The following WDR59 variants were observed in gnomAD, a reference collection of about 807,000 sequenced individuals.
The protein encoded by WDR59 is WD repeat domain 59.
Under a neutral mutation model 131.2 loss-of-function variants are expected in WDR59, and 100 were observed. That is an observed-to-expected ratio of 0.76 (90% CI 0.65 to 0.90). The LOEUF is 0.90. Among genes scored for constraint, WDR59 ranks in the 40% least tolerant of loss-of-function variants. The probability of loss-of-function intolerance (pLI) is 0.00; values close to 1 mark genes in which losing one functional copy is unlikely to be tolerated. For missense variants in WDR59, 1,203 were observed against 1,262.2 expected (o/e 0.95, Z 0.71); for synonymous variants, 601 against 466.2 (o/e 1.29, Z -3.72).
intron 1 of WDR59, among the ~76,000 whole-genome samples, chr16:74,970,858 G>A (rs112646305): frequency 8.1e-4 from 123 of 151,594 alleles, no homozygotes; most frequent in African/African-American, 2.7e-3. Context: ...TTCGAGACCA[G>A]CCTGGACAAC....
intron 8 of WDR59, among the ~76,000 whole-genome samples, chr16:74,932,430 T>TACACACAC (rs34468583): frequency 1.1e-4 from 16 of 144,206 alleles, no homozygotes; most frequent in African/African-American, 2.6e-4. Flanking sequence ...ACATAATTTT[T>TACACACAC]ACACACACAC....
chr16:74,980,138 C>T (rs576437821), intron 1 of WDR59, among the ~76,000 whole-genome samples: 66 of 151,966 alleles, frequency 4.3e-4, no homozygotes, highest in African/African-American at 1.4e-3. Context: ...GAGTTATACG[C>T]GTGAGCCACC....
intron 25 of WDR59, among the ~76,000 whole-genome samples, chr16:74,877,398 T>C (rs932511912): frequency 6.6e-6 from 1 of 152,210 alleles, no homozygotes; most frequent in African/African-American, 2.4e-5. Context: ...AGAGGTTCCT[T>C]ACAGCACCAA....
chr16:74,964,117 AC>A (rs1485876267), intron 2 of WDR59, among the ~76,000 whole-genome samples: 2 of 152,306 alleles, frequency 1.3e-5, no homozygotes, highest in Non-Finnish European at 2.9e-5. Flanking sequence ...ACGGTGGCTC[AC>A]ACCTGTAATC....
chr16:74,897,378 G>GA (rs1469592634), intron 18 of WDR59, among the ~76,000 whole-genome samples: 1 of 152,220 alleles, frequency 6.6e-6, no homozygotes, highest in East Asian at 1.9e-4. Flanking sequence ...AGTCTAAAGA[G>GA]ATGTCTTAGG....
chr16:74,905,307 G>A lies in WDR59; in HGVS notation c.1713-1207C>T, dbSNP rs969700968. 3.9e-5 allele frequency among the ~76,000 whole-genome samples: 6 copies of A among 151,942 alleles called. No individual in the cohort carries two copies. In the East Asian group the frequency reaches 7.7e-4, roughly 20 times the overall value. On this transcript the variant is annotated intron_variant, in intron 17 of 25. Coordinates refer to ENST00000262144, the MANE Select transcript of WDR59 (RefSeq NM_030581.4). The stretch of plus-strand genomic sequence containing the variant: ...GGAGAATCACTTGAACCCGGGAGGC[G>A]GAGGTTGTGGTGAGCTGAGATTGCG...
chr16:74,926,462 CA>C (rs1360875838), intron 8 of WDR59, among the ~76,000 whole-genome samples: 4 of 152,052 alleles, frequency 2.6e-5, no homozygotes, highest in Non-Finnish European at 5.9e-5. Context: ...TGAGGATGGC[CA>C]ACAAGCCACA....
intron 25 of WDR59, among the ~76,000 whole-genome samples, chr16:74,874,910 T>A (rs1364094696): frequency 2.0e-5 from 3 of 152,150 alleles, no homozygotes; most frequent in South Asian, 4.1e-4. Context: ...TTGTTTTTTT[T>A]ACACCAGAAC....
chr16:74,943,239 CCTTTTTTTTTT>C (rs1457098122), intron 6 of WDR59, among the ~76,000 whole-genome samples: 1 of 120,706 alleles, frequency 8.3e-6, no homozygotes, highest in African/African-American at 3.5e-5. Flanking sequence ...ATGCCTGCCC[CCTTTTTTTTTT>C]TTTTAATTGT....
At position 74,911,687 on chromosome 16, in the gene WDR59, A is replaced by AT. The variant is rs1156454870; in HGVS notation, c.1389+510dup. Among the ~76,000 whole-genome samples, 3 of 152,192 alleles carry AT rather than the reference A, an allele frequency of 2.0e-5. No individual in the cohort carries two copies. The East Asian group carries it at 5.8e-4, about 29-fold the overall frequency. On this transcript the variant is annotated intron_variant, in intron 14 of 25. Transcript: ENST00000262144. ...ACACCAGCTCCTTCTATGGGATAAA[A>AT]TTTTTTTTATGACCTTACATATGTT...
chr16:74,971,727 C>A (rs960160724), intron 1 of WDR59, among the ~76,000 whole-genome samples: 1 of 151,956 alleles, frequency 6.6e-6, no homozygotes, highest in African/African-American at 2.4e-5. Context: ...GCCACAGCAC[C>A]CAGCCTCTAA....
At chr16:74,942,078 C>A (rs1207117067) in intron 7 of WDR59, among the ~76,000 whole-genome samples, 1 of 152,070 alleles carries the variant, frequency 6.6e-6, no homozygotes, top group African/African-American at 2.4e-5. Flanking sequence ...TTCCCTGTGC[C>A]ACGACCCTCA....
intron 8 of WDR59, among the ~76,000 whole-genome samples, chr16:74,931,126 A>C (rs896341430): frequency 2.0e-5 from 3 of 152,056 alleles, no homozygotes; most frequent in Non-Finnish European, 4.4e-5. Flanking sequence ...ATTGATTTTT[A>C]ACATACTATT....
At chr16:74,899,934 C>T (rs147352109) in intron 18 of WDR59, among the ~76,000 whole-genome samples, 19 of 152,272 alleles carry the variant, frequency 1.2e-4, no homozygotes, top group Admixed American at 2.0e-4. Context: ...CAGCGGAATT[C>T]GGCTTCCCTC....
rs368210094 is a variant in WDR59, at chr16:74,935,900, G to C, written c.651+2250C>G. On this transcript the variant is annotated intron_variant, in intron 8 of 25. Coordinates refer to ENST00000262144, the MANE Select transcript of WDR59 (RefSeq NM_030581.4). ...TAATCCCAGCTGCTCAGGAGGCTGA[G>C]GCAGGAGAATCGCTTGAACCTGGGA... 2.6e-5 allele frequency among the ~76,000 whole-genome samples: 4 copies of C among 151,940 alleles called. No individual in the cohort carries two copies. In the East Asian group the frequency reaches 5.8e-4, roughly 22 times the overall value.
At chr16:74,918,642 G>C (rs1454214412) in intron 10 of WDR59, among the ~76,000 whole-genome samples, 1 of 152,156 alleles carries the variant, frequency 6.6e-6, no homozygotes, top group Non-Finnish European at 1.5e-5. Flanking sequence ...AAAAGGTTCA[G>C]GGTGCTTTAT....
intron 1 of WDR59, among the ~76,000 whole-genome samples, chr16:74,984,313 A>C (rs1172535367): frequency 3.3e-5 from 5 of 152,112 alleles, no homozygotes; most frequent in African/African-American, 1.2e-4. Context: ...ATAGAAAATT[A>C]AAAAATAAAA....
At chr16:74,896,197 GTCAC>G (rs143602289) in intron 18 of WDR59, among the ~76,000 whole-genome samples, 128 of 152,312 alleles carry the variant, frequency 8.4e-4, no homozygotes, top group African/African-American at 2.8e-3. Flanking sequence ...GATCCAGGCA[GTCAC>G]TCTGGTTCTT....
chr16:74,941,838 G>A (rs766722607), intron 7 of WDR59, among the ~76,000 whole-genome samples: 8 of 152,148 alleles, frequency 5.3e-5, no homozygotes, highest in African/African-American at 1.2e-4. Flanking sequence ...GATCTGCCAC[G>A]CCTGATCTCT....
Sources: allele counts gnomAD v4.1 joint callset (sites outside exome capture counted in the v4.1 genomes callset), GRCh38; gene constraint gnomAD v4.1.1; transcripts MANE v1.5; gene names NCBI Gene and HGNC (gene_info 2026-07-23, HGNC 2026-07-21).